Variants in EGFR observed in about 807,000 individuals in gnomAD.
The protein encoded by EGFR is epidermal growth factor receptor, also known as avian erythroblastic leukemia viral (v-erb-b) oncogene homolog.
In EGFR, 58 loss-of-function variants were observed where a neutral mutation model predicts 143.0. The observed-to-expected ratio is 0.41, with a 90% confidence interval of 0.33 to 0.50. The LOEUF (loss-of-function observed/expected upper bound fraction) is 0.50. EGFR is among the 20% of genes least tolerant of loss of function. The probability of loss-of-function intolerance (pLI) is 0.39; values close to 1 mark genes in which losing one functional copy is unlikely to be tolerated. For synonymous variants in EGFR, 613 were observed against 594.4 expected, an observed-to-expected ratio of 1.03 and a Z score of -0.45; for missense variants, 1,307 against 1,579.0, an observed-to-expected ratio of 0.83 and a Z score of 2.92.
At chr7:55,171,316 C>G in intron 16 of EGFR, 103 bp downstream of exon 16, 7 of 1,520,480 alleles carry the variant, frequency 4.6e-6, no homozygotes, top group Non-Finnish European at 5.5e-6. Flanking sequence ...CTGTCCTGAT[C>G]AAGTTTCTAT....
chr7:55,143,536 A>T (rs1240587634), intron 3 of EGFR, 48 bp downstream of exon 3: 1 of 1,602,332 alleles, frequency 6.2e-7, no homozygotes, highest in Non-Finnish European at 8.5e-7. Flanking sequence ...TGCAGACAGC[A>T]GTTCCGATGG....
At chr7:55,179,069 G>C (rs1336371389) in intron 19 of EGFR, among the ~76,000 whole-genome samples, 1 of 152,272 alleles carries the variant, frequency 6.6e-6, no homozygotes, top group Non-Finnish European at 1.5e-5. Context: ...GTCAACGTAA[G>C]AGCAAGTGTG....
chr7:55,158,441 AAG>A (rs1424364122), intron 11 of EGFR, among the ~76,000 whole-genome samples: 1 of 152,184 alleles, frequency 6.6e-6, no homozygotes, highest in Non-Finnish European at 1.5e-5. Context: ...TAAAGAGAAT[AAG>A]AGTGCGTGAA....
rs1788218102 is a variant in EGFR at position 55,210,696 on chromosome 7, A to G, written c.*5079A>G. The G allele has an allele frequency of 6.6e-6, 1 of 152,250 alleles. No homozygotes were observed. The allele number at this position is 152,250 out of a possible 1,614,324, so 9.4% of individuals were successfully genotyped here. Reference sequence around the variant, plus strand: ...TCCATGAAGGTTCTCCAAGCACTAGAAGGGAGAGTGTCTAAACAATGGTTG... The same window carrying G: ...TCCATGAAGGTTCTCCAAGCACTAGGAGGGAGAGTGTCTAAACAATGGTTG... On this transcript the variant is annotated 3_prime_UTR_variant, in exon 28 of 28. Transcript: ENST00000275493.
intron 17 of EGFR, 136 bp downstream of exon 17, chr7:55,173,260 G>T: frequency 4.5e-6 from 6 of 1,321,644 alleles, no homozygotes; most frequent in Non-Finnish European, 6.2e-6. Context: ...ATCTCTGAAT[G>T]TGCAGTTATA....
intron 3 of EGFR, among the ~76,000 whole-genome samples, chr7:55,145,302 G>C (rs1794705691): frequency 6.6e-6 from 1 of 152,194 alleles, no homozygotes; most frequent in Non-Finnish European, 1.5e-5. Flanking sequence ...GTCCTCTCCT[G>C]AGTTCCATCC....
chr7:55,204,207 A>G (rs1173767560), intron 27 of EGFR, among the ~76,000 whole-genome samples: 1 of 150,722 alleles, frequency 6.6e-6, no homozygotes, highest in East Asian at 2.0e-4. Context: ...ACACATGTAC[A>G]CACACACCAC....
At chr7:55,073,285 A>G (rs1016214193) in intron 1 of EGFR, among the ~76,000 whole-genome samples, 5 of 152,248 alleles carry the variant, frequency 3.3e-5, no homozygotes, top group Non-Finnish European at 7.3e-5. Context: ...GCCTTGCACA[A>G]GTTATCAAGC....
intron 15 of EGFR, among the ~76,000 whole-genome samples, chr7:55,166,964 A>ATGT (rs1382210374): frequency 7.7e-6 from 1 of 130,144 alleles, no homozygotes; most frequent in African/African-American, 3.1e-5. Context: ...GGGAGTCACA[A>ATGT]TGGTGGTGAT....
At chr7:55,019,739 G>T (rs954566075) in intron 1 of EGFR, among the ~76,000 whole-genome samples, 71 of 152,248 alleles carry the variant, frequency 4.7e-4, no homozygotes, top group Middle Eastern at 3.4e-3. Flanking sequence ...GCCTGGGGCC[G>T]GGGTCCCGCA....
chr7:55,039,891 G>A (rs1449978193), intron 1 of EGFR, among the ~76,000 whole-genome samples: 2 of 152,282 alleles, frequency 1.3e-5, no homozygotes, highest in Middle Eastern at 3.4e-3. Flanking sequence ...CCTCTGTGCC[G>A]ATACCTTTCT....
intron 1 of EGFR, among the ~76,000 whole-genome samples, chr7:55,118,878 T>A (rs1473222426): frequency 6.6e-6 from 1 of 152,048 alleles, no homozygotes; most frequent in Non-Finnish European, 1.5e-5. Context: ...CGTGGGAAAA[T>A]TGGTTATTTT....
intron 1 of EGFR, among the ~76,000 whole-genome samples, chr7:55,021,223 T>C (rs1475063224): frequency 6.6e-6 from 1 of 152,214 alleles, no homozygotes; most frequent in African/African-American, 2.4e-5. Flanking sequence ...CTGCTGAGCC[T>C]GCAGGCCCGT....
chr7:55,153,958 T>C, intron 6 of EGFR, 53 bp from the exon 7 acceptor site: 2 of 1,613,644 alleles, frequency 1.2e-6, no homozygotes, highest in Admixed American at 1.7e-5. Context: ...CCTCCGTGTG[T>C]GGCGCTGAGT....
At chr7:55,044,486 G>T (rs1449326091) in intron 1 of EGFR, among the ~76,000 whole-genome samples, 2 of 152,220 alleles carry the variant, frequency 1.3e-5, no homozygotes, top group East Asian at 1.9e-4. Context: ...TACGGGCCTG[G>T]AGCTGGGCAC....
At chr7:55,163,509 A>G (rs1785808664) in intron 13 of EGFR, among the ~76,000 whole-genome samples, 1 of 152,210 alleles carries the variant, frequency 6.6e-6, no homozygotes, top group East Asian at 1.9e-4. Flanking sequence ...CTGTAGAAAA[A>G]GCAGAAAAGA....
chr7:55,042,643 G>A (rs896468454), intron 1 of EGFR, among the ~76,000 whole-genome samples: 13 of 152,176 alleles, frequency 8.5e-5, no homozygotes, highest in South Asian at 2.1e-4. Flanking sequence ...TATAAAGCTC[G>A]AAAATATGGG....
At chr7:55,169,103 C>T (rs10081281) in intron 15 of EGFR, among the ~76,000 whole-genome samples, 71,411 of 146,710 alleles carry the variant, frequency 0.49, 17,792 homozygotes, top group East Asian at 0.88. Context: ...ATAGCTATTT[C>T]TTTTTTTTTT....
intron 18 of EGFR, among the ~76,000 whole-genome samples, chr7:55,174,379 G>A (rs17337114): frequency 0.012 from 1,894 of 152,308 alleles, 46 homozygotes; most frequent in African/African-American, 0.043. Flanking sequence ...GCTCATCTTC[G>A]TTTGCTTCTT....
Sources: gnomAD v4.1 joint callset for allele counts (sites outside exome capture counted in the v4.1 genomes callset) on GRCh38, gnomAD v4.1.1 for gene constraint, MANE v1.5 for transcripts, NCBI Gene and HGNC (gene_info 2026-07-23, HGNC 2026-07-21) for gene names.